The following HAO1 variants were observed in gnomAD, a reference collection of about 807,000 sequenced individuals.
HAO1 encodes the protein 2-Hydroxyacid oxidase 1.
A neutral mutation model predicts 39.7 loss-of-function variants in HAO1; 34 were observed. That is an observed-to-expected ratio of 0.86 (90% CI 0.65 to 1.14). The LOEUF (loss-of-function observed/expected upper bound fraction) is 1.14. HAO1 is among the 50% of genes most tolerant of loss of function. The pLI, the probability that HAO1 is intolerant of heterozygous loss-of-function variation, is 0.00. For synonymous variants in HAO1, 172 were observed against 173.2 expected, an observed-to-expected ratio of 0.99 and a Z score of 0.05; for missense variants, 479 against 464.5, an observed-to-expected ratio of 1.03 and a Z score of -0.29.
intron 3 of HAO1, among the ~76,000 whole-genome samples, chr20:7,907,124 G>A (rs142573007): frequency 1.1e-4 from 17 of 152,248 alleles, no homozygotes; most frequent in Admixed American, 2.0e-4. Context: ...CTGTTTCCCA[G>A]CAGATGAGTT....
intron 7 of HAO1, among the ~76,000 whole-genome samples, chr20:7,884,124 A>G (rs1213868846): frequency 6.6e-6 from 1 of 152,196 alleles, no homozygotes; most frequent in Non-Finnish European, 1.5e-5. Context: ...GGTAGCTGAT[A>G]ATCAACTCAC....
intron 2 of HAO1, among the ~76,000 whole-genome samples, chr20:7,929,618 C>T (rs1017542800): frequency 6.6e-6 from 1 of 152,174 alleles, no homozygotes; most frequent in South Asian, 2.1e-4. Context: ...GTAATCCCAG[C>T]ACTTTGGGAG....
At chr20:7,889,135 A>G (rs1191238279) in intron 5 of HAO1, among the ~76,000 whole-genome samples, 5 of 152,182 alleles carry the variant, frequency 3.3e-5, no homozygotes, top group Non-Finnish European at 5.9e-5. Flanking sequence ...GTTACACAGC[A>G]AAAGCCATCT....
intron 1 of HAO1, 48 bp from the exon 2 acceptor site, chr20:7,934,683 T>A: frequency 8.3e-7 from 1 of 1,209,862 alleles, no homozygotes; most frequent in Non-Finnish European, 1.1e-6. Context: ...AGTTTCAGAA[T>A]CATAACCAAA....
At chr20:7,922,763 C>CT (rs1452517258) in intron 2 of HAO1, among the ~76,000 whole-genome samples, 2 of 152,092 alleles carry the variant, frequency 1.3e-5, no homozygotes, top group African/African-American at 4.8e-5. Context: ...ATCAGTAATA[C>CT]TTGGAAGAAA....
At chr20:7,904,786 G>A (rs2050239715) in intron 4 of HAO1, among the ~76,000 whole-genome samples, 1 of 152,150 alleles carries the variant, frequency 6.6e-6, no homozygotes, top group Non-Finnish European at 1.5e-5. Context: ...GAGTGAATAA[G>A]AGAATGGATG....
intron 2 of HAO1, among the ~76,000 whole-genome samples, chr20:7,914,832 A>G (rs2050299162): frequency 6.6e-6 from 1 of 152,186 alleles, no homozygotes; most frequent in African/African-American, 2.4e-5. Context: ...TAAAATTAAT[A>G]TTATTGCTGG....
chr20:7,914,219 G>A lies in HAO1; in HGVS notation c.490C>T (p.Leu164=), dbSNP rs1223337221. The A allele has an allele frequency of 8.7e-6, 14 of 1,613,960 alleles. No individual in the cohort carries two copies. Among genetic ancestry groups the A allele is most frequent in the Admixed American group, 6.7e-5 (4 of 60,004 alleles). Residue 164 remains leucine, a synonymous_variant, in exon 3 of 8, where the codon CTG becomes TTG. Coordinates refer to ENST00000378789, the MANE Select transcript of HAO1 (RefSeq NM_017545.3). The part of the protein sequence containing the change: ...AIFVTVDTPY[L]GNRLDDVRNR... Reference sequence around the variant, plus strand: ...CGCACATCATCCAGACGGTTGCCCAGGTAAGGTGTGTCCACTGTCACAAAT... The same window carrying A: ...CGCACATCATCCAGACGGTTGCCCAAGTAAGGTGTGTCCACTGTCACAAAT...
chr20:7,935,040 T>G (rs2050403888), intron 1 of HAO1, among the ~76,000 whole-genome samples: 1 of 152,204 alleles, frequency 6.6e-6, no homozygotes, highest in African/African-American at 2.4e-5. Context: ...TGACAACCAC[T>G]GATGCATTTT....
intron 4 of HAO1, among the ~76,000 whole-genome samples, chr20:7,896,261 A>C (rs937487784): frequency 7.9e-5 from 12 of 152,186 alleles, no homozygotes. Context: ...TAAAAGAATC[A>C]TGAAAACAAC....
intron 3 of HAO1, among the ~76,000 whole-genome samples, chr20:7,906,938 T>G (rs1257198048): frequency 6.6e-6 from 1 of 152,194 alleles, no homozygotes; most frequent in Non-Finnish European, 1.5e-5. Context: ...GATCTCAGTT[T>G]CCTCCTGGTT....
intron 5 of HAO1, among the ~76,000 whole-genome samples, chr20:7,894,305 C>G (rs557334555): frequency 6.6e-6 from 1 of 152,260 alleles, no homozygotes; most frequent in East Asian, 1.9e-4. Flanking sequence ...TCTAATTGCT[C>G]TTCGATACAG....
intron 2 of HAO1, among the ~76,000 whole-genome samples, chr20:7,931,327 T>C (rs1285051760): frequency 6.6e-6 from 1 of 152,152 alleles, no homozygotes; most frequent in Non-Finnish European, 1.5e-5. Flanking sequence ...CTATAATTAC[T>C]TCTAGGGGAT....
intron 1 of HAO1, among the ~76,000 whole-genome samples, chr20:7,937,175 A>G (rs890965810): frequency 1.3e-5 from 2 of 152,166 alleles, no homozygotes; most frequent in Admixed American, 1.3e-4. Context: ...TTATAAAAAA[A>G]TCAAATGATA....
At chr20:7,915,414 ACTG>A (rs1446721864) in intron 2 of HAO1, among the ~76,000 whole-genome samples, 1 of 152,104 alleles carries the variant, frequency 6.6e-6, no homozygotes, top group African/African-American at 2.4e-5. Flanking sequence ...GGGAAGTAAG[ACTG>A]CTAAGAAAAA....
chr20:7,920,332 CCT>C (rs1308019831), intron 2 of HAO1, among the ~76,000 whole-genome samples: 3 of 152,112 alleles, frequency 2.0e-5, no homozygotes, highest in African/African-American at 7.2e-5. Context: ...AGCCAGTAAA[CCT>C]CTTTTCTTTA....
chr20:7,900,853 C>T lies in HAO1; in HGVS notation c.721+5301G>A, dbSNP rs184854175. Among the ~76,000 whole-genome samples, 20 of 152,288 alleles carry T rather than the reference C, an allele frequency of 1.3e-4. No individual in the cohort carries two copies. In the East Asian group the frequency reaches 2.7e-3, roughly 21 times the overall value. On this transcript the variant is annotated intron_variant, in intron 4 of 7. Coordinates refer to ENST00000378789, the MANE Select transcript of HAO1 (RefSeq NM_017545.3). ...AGGCCAAGACAGGACAAAAGCTAGGCTCCTTGTGCCAAACAGCTAAGTTGT... is the reference window on the plus strand; with the variant it reads ...AGGCCAAGACAGGACAAAAGCTAGGTTCCTTGTGCCAAACAGCTAAGTTGT...
At chr20:7,921,273 C>A (rs78928428) in intron 2 of HAO1, among the ~76,000 whole-genome samples, 2,825 of 151,962 alleles carry the variant, frequency 0.019, 32 homozygotes, top group South Asian at 0.035. Flanking sequence ...AACAGATAAC[C>A]CCATTAAAAA....
At chr20:7,898,580 A>G (rs1012294280) in intron 4 of HAO1, among the ~76,000 whole-genome samples, 4 of 152,200 alleles carry the variant, frequency 2.6e-5, no homozygotes, top group African/African-American at 9.6e-5. Context: ...CTCTAAAGAT[A>G]GGGCCTCAAT....
Sources: gnomAD v4.1 joint callset for allele counts (sites outside exome capture counted in the v4.1 genomes callset) on GRCh38, gnomAD v4.1.1 for gene constraint, MANE v1.5 for transcripts, NCBI Gene and HGNC (gene_info 2026-07-23, HGNC 2026-07-21) for gene names.